The following TTC29 variants were observed in gnomAD, a reference collection of about 807,000 sequenced individuals.
TTC29 encodes the protein tetratricopeptide repeat domain 29, also known as tetratricopeptide repeat protein 29.
A neutral mutation model predicts 58.1 loss-of-function variants in TTC29; 49 were observed. That is an observed-to-expected ratio of 0.84 (90% confidence interval 0.67 to 1.07). TTC29 has a LOEUF of 1.07. Among genes scored for constraint, TTC29 ranks in the 50% least tolerant of loss-of-function variants. TTC29 has a pLI of 0.00. For synonymous variants in TTC29, 209 were observed against 196.8 expected (o/e 1.06, Z -0.52); for missense variants, 582 against 555.6 (o/e 1.05, Z -0.48).
At chr4:146,897,293 T>C (rs947169098) in intron 6 of TTC29, among the ~76,000 whole-genome samples, 7 of 152,164 alleles carry the variant, frequency 4.6e-5, no homozygotes, top group African/African-American at 1.7e-4. Context: ...GCAGGCCAGC[T>C]TCTCAGAAAA....
At chr4:146,896,035 G>A (rs79859953) in intron 6 of TTC29, among the ~76,000 whole-genome samples, 7,822 of 152,140 alleles carry the variant, frequency 0.051, 277 homozygotes, top group South Asian at 0.14. Context: ...TTTATACTGT[G>A]TAGCTTCTAC....
intron 2 of TTC29, among the ~76,000 whole-genome samples, chr4:146,940,165 A>T (rs184258245): frequency 3.1e-4 from 47 of 152,332 alleles, no homozygotes; most frequent in Non-Finnish European, 6.3e-4. Context: ...AAAATTTGAT[A>T]AATGCATTGA....
At chr4:146,823,040 C>A (rs904909694) in intron 9 of TTC29, among the ~76,000 whole-genome samples, 2 of 151,978 alleles carry the variant, frequency 1.3e-5, no homozygotes, top group Non-Finnish European at 2.9e-5. Flanking sequence ...AAGTGTTCTC[C>A]CATTCTGTAG....
At chr4:146,900,211 T>C (rs1326729418) in intron 6 of TTC29, among the ~76,000 whole-genome samples, 1 of 152,230 alleles carries the variant, frequency 6.6e-6, no homozygotes, top group Non-Finnish European at 1.5e-5. Context: ...TTACTTGTTT[T>C]ATCTGTCAGG....
At chr4:146,787,576 A>G (rs1038636072) in intron 11 of TTC29, among the ~76,000 whole-genome samples, 2 of 152,164 alleles carry the variant, frequency 1.3e-5, no homozygotes, top group Non-Finnish European at 2.9e-5. Flanking sequence ...CAGTTAACAG[A>G]TGTGATCACT....
chr4:146,818,731 A>T (rs1043753522), intron 10 of TTC29, among the ~76,000 whole-genome samples: 2 of 152,194 alleles, frequency 1.3e-5, no homozygotes, highest in African/African-American at 4.8e-5. Flanking sequence ...TGGCACATAT[A>T]CACCATGGAA....
intron 5 of TTC29, among the ~76,000 whole-genome samples, chr4:146,907,493 TTTTGTTTTG>T (rs773259620): frequency 6.6e-6 from 1 of 152,026 alleles, no homozygotes; most frequent in Non-Finnish European, 1.5e-5. Flanking sequence ...GGTTGTTTTG[TTTTGTTTTG>T]TTTGTTTTGT....
intron 8 of TTC29, among the ~76,000 whole-genome samples, chr4:146,863,280 G>C (rs1208334712): frequency 6.6e-6 from 1 of 152,088 alleles, no homozygotes; most frequent in Non-Finnish European, 1.5e-5. Context: ...GAAATACCTG[G>C]TATGAAACCA....
intron 10 of TTC29, among the ~76,000 whole-genome samples, chr4:146,815,485 A>G (rs1190256075): frequency 6.6e-6 from 1 of 152,132 alleles, no homozygotes; most frequent in Non-Finnish European, 1.5e-5. Context: ...TAAAGAAGCA[A>G]TTGCCTTTGC....
intron 11 of TTC29, among the ~76,000 whole-genome samples, chr4:146,801,748 G>A (rs1229228090): frequency 1.3e-5 from 2 of 151,942 alleles, no homozygotes; most frequent in African/African-American, 4.8e-5. Flanking sequence ...AGGCCAAGAT[G>A]GGTAGATCAT....
chr4:146,944,214 T>C (rs28676537), intron 2 of TTC29: 72,604 of 152,108 alleles, frequency 0.48, 18,300 homozygotes, highest in African/African-American at 0.64. Flanking sequence ...CAGTGTGGCA[T>C]CATCGGGTGC....
At chr4:146,800,575 G>T (rs7673150) in intron 11 of TTC29, among the ~76,000 whole-genome samples, 34,275 of 152,064 alleles carry the variant, frequency 0.23, 4,177 homozygotes, top group East Asian at 0.32. Context: ...ATCATGTTGG[G>T]TGAGTGTCAT....
At chr4:146,807,081 AACTC>A (rs1441129187) in intron 10 of TTC29, among the ~76,000 whole-genome samples, 1 of 152,200 alleles carries the variant, frequency 6.6e-6, no homozygotes, top group Non-Finnish European at 1.5e-5. Context: ...AGGATTAAGA[AACTC>A]ACTCAAAACT....
chr4:146,766,842 G>C (rs937296023), intron 11 of TTC29, among the ~76,000 whole-genome samples: 18 of 152,100 alleles, frequency 1.2e-4, no homozygotes, highest in African/African-American at 4.1e-4. Context: ...GAATTGGGAA[G>C]AAGTAGTTAG....
intron 8 of TTC29, 138 bp downstream of exon 8, chr4:146,867,360 C>G (rs1169545649): frequency 2.3e-6 from 1 of 426,878 alleles, no homozygotes; most frequent in Non-Finnish European, 4.2e-6. Flanking sequence ...TATTGCTATT[C>G]TGCTTTAATC....
intron 10 of TTC29, 151 bp downstream of exon 10, chr4:146,819,974 C>T (rs1050114753): frequency 1.7e-5 from 17 of 1,002,634 alleles, no homozygotes; most frequent in Non-Finnish European, 2.1e-5. Flanking sequence ...CTAGTCCTTG[C>T]CATGGACATT....
At chr4:146,812,332 T>G (rs1238403930) in intron 10 of TTC29, among the ~76,000 whole-genome samples, 1 of 152,164 alleles carries the variant, frequency 6.6e-6, no homozygotes, top group Admixed American at 6.5e-5. Flanking sequence ...TTAGGAAAAT[T>G]AGAGACCACA....
chr4:146,849,807 C>T (rs965304309), intron 8 of TTC29, among the ~76,000 whole-genome samples: 1 of 152,146 alleles, frequency 6.6e-6, no homozygotes, highest in Non-Finnish European at 1.5e-5. Context: ...CACCTTAAGG[C>T]TTTTGCCCTG....
chr4:146,743,197 A>G (rs1207440501), intron 11 of TTC29, among the ~76,000 whole-genome samples: 3 of 152,186 alleles, frequency 2.0e-5, no homozygotes, highest in Admixed American at 2.0e-4. Context: ...AAAATATTTT[A>G]TAATTGGCCT....
Sources: gnomAD v4.1 joint callset for allele counts (sites outside exome capture counted in the v4.1 genomes callset) on GRCh38, gnomAD v4.1.1 for gene constraint, MANE v1.5 for transcripts, NCBI Gene and HGNC (gene_info 2026-07-23, HGNC 2026-07-21) for gene names.